The following LHFPL2 variants were observed in gnomAD, a reference collection of about 807,000 sequenced individuals.
LHFPL2 encodes the protein LHFPL tetraspan subfamily member 2 protein.
A neutral mutation model predicts 17.5 loss-of-function variants in LHFPL2; 7 were observed. That is an observed-to-expected ratio of 0.40 (90% CI 0.23 to 0.75). The LOEUF is 0.75. LHFPL2 is among the 30% of genes least tolerant of loss of function. The pLI is 0.37. For missense variants in LHFPL2, 241 were observed against 294.8 expected, an observed-to-expected ratio of 0.82 and a Z score of 1.34; for synonymous variants, 134 against 116.2, an observed-to-expected ratio of 1.15 and a Z score of -0.99.
At chr5:78,641,279 A>C (rs2112527962) in intron 1 of LHFPL2, among the ~76,000 whole-genome samples, 1 of 152,342 alleles carries the variant, frequency 6.6e-6, no homozygotes, top group East Asian at 1.9e-4. Context: ...TCCATACATC[A>C]ACCTGGGCTA....
chr5:78,507,581 G>A (rs1327021210), intron 4 of LHFPL2, among the ~76,000 whole-genome samples: 1 of 152,168 alleles, frequency 6.6e-6, no homozygotes, highest in Non-Finnish European at 1.5e-5. Context: ...CCAAAGATAG[G>A]TTTAGTGTTA....
intron 2 of LHFPL2, among the ~76,000 whole-genome samples, chr5:78,611,828 T>G (rs569810654): frequency 6.6e-6 from 1 of 152,186 alleles, no homozygotes; most frequent in African/African-American, 2.4e-5. Flanking sequence ...ACAGAAAATC[T>G]ATCGTTAAAA....
intron 2 of LHFPL2, among the ~76,000 whole-genome samples, chr5:78,603,028 C>A (rs1316628064): frequency 6.6e-6 from 1 of 152,138 alleles, no homozygotes; most frequent in Non-Finnish European, 1.5e-5. Flanking sequence ...ATAGCTGGGA[C>A]TACAGGCGCG....
intron 2 of LHFPL2, among the ~76,000 whole-genome samples, chr5:78,621,772 C>T (rs1032699171): frequency 1.1e-4 from 16 of 152,142 alleles, no homozygotes; most frequent in Admixed American, 4.6e-4. Flanking sequence ...CAGTGCAGAA[C>T]TGTTAGCAGG....
intron 3 of LHFPL2, chr5:78,549,289 G>A (rs532328120): frequency 7.2e-5 from 11 of 152,390 alleles, no homozygotes; most frequent in Admixed American, 3.9e-4. Flanking sequence ...GAAGTAGTCA[G>A]ACCCTTTGAG....
At chr5:78,510,428 C>T in intron 3 of LHFPL2, 30 bp from the exon 4 acceptor site, 1 of 519,872 alleles carries the variant, frequency 1.9e-6, no homozygotes, top group South Asian at 3.0e-5. Context: ...GTTAGCAGCG[C>T]CGCCAGGCCC....
rs144378654 is a variant in LHFPL2 at position 78,599,701 on chromosome 5, CAT to C, written c.-245+32561_-245+32562del. ...GTTCAACAATTAAGTGAATAAAAAA[CAT>C]AAAGGCTTGCTGCCTAGCCCATGAG... On this transcript the variant is annotated intron_variant, in intron 2 of 4. Transcript: ENST00000380345. 1.3e-3 allele frequency among the ~76,000 whole-genome samples: 198 copies of C among 152,228 alleles called. 4 individuals carry two copies. The East Asian group carries it at 0.032, about 24-fold the overall frequency.
At chr5:78,510,903 A>C (rs775572797) in intron 3 of LHFPL2, among the ~76,000 whole-genome samples, 1 of 152,256 alleles carries the variant, frequency 6.6e-6, no homozygotes, top group Non-Finnish European at 1.5e-5. Flanking sequence ...TTTGCTTAAC[A>C]GTAGAGAGTA....
At chr5:78,615,061 G>A (rs1380108103) in intron 2 of LHFPL2, among the ~76,000 whole-genome samples, 2 of 152,220 alleles carry the variant, frequency 1.3e-5, no homozygotes, top group Non-Finnish European at 2.9e-5. Flanking sequence ...AAGAGACTTT[G>A]ACTTCCACCT....
At chr5:78,637,679 T>A (rs1745503993) in intron 1 of LHFPL2, among the ~76,000 whole-genome samples, 1 of 152,256 alleles carries the variant, frequency 6.6e-6, no homozygotes, top group Admixed American at 6.5e-5. Context: ...GTCTCTTTCA[T>A]GCTCCAGTTT....
intron 4 of LHFPL2, among the ~76,000 whole-genome samples, chr5:78,507,304 T>C (rs956006020): frequency 1.3e-5 from 2 of 150,108 alleles, no homozygotes; most frequent in African/African-American, 2.5e-5. Context: ...CATTCCAAGC[T>C]GGGCAACAGA....
At chr5:78,516,591 T>C (rs139171897) in intron 3 of LHFPL2, among the ~76,000 whole-genome samples, 42 of 152,318 alleles carry the variant, frequency 2.8e-4, no homozygotes, top group Admixed American at 4.6e-4. Context: ...TTTGAATGTA[T>C]AGGAGCAACT....
chr5:78,606,225 T>C (rs1744207193), intron 2 of LHFPL2, among the ~76,000 whole-genome samples: 3 of 152,344 alleles, frequency 2.0e-5, no homozygotes, highest in South Asian at 4.1e-4. Flanking sequence ...CTAGGGCCTC[T>C]ATATTTGAAA....
At chr5:78,569,005 A>G (rs928245846) in intron 2 of LHFPL2, among the ~76,000 whole-genome samples, 2 of 152,168 alleles carry the variant, frequency 1.3e-5, no homozygotes, top group African/African-American at 2.4e-5. Flanking sequence ...ACGGCCTTCA[A>G]TCTAGGACTT....
At chr5:78,616,190 C>T (rs1434659218) in intron 2 of LHFPL2, among the ~76,000 whole-genome samples, 1 of 152,068 alleles carries the variant, frequency 6.6e-6, no homozygotes, top group Non-Finnish European at 1.5e-5. Flanking sequence ...TGCAGTGGCG[C>T]AATCTCGGCT....
rs532320179 is a variant in LHFPL2 at position 78,587,390 on chromosome 5, G to A, written c.-244-22519C>T. ...CCACTTTAAAGGGTCTGCAGGCCAC[G>A]AAGAAATGATACAGCAGAAAAAGAC... On this transcript the variant is annotated intron_variant, in intron 2 of 4. Transcript: ENST00000380345. 5.9e-5 allele frequency among the ~76,000 whole-genome samples: 9 copies of A among 152,278 alleles called. No homozygotes were observed. The South Asian group carries it at 1.2e-3, about 21-fold the overall frequency.
chr5:78,500,694 C>T (rs2112304654), intron 4 of LHFPL2, among the ~76,000 whole-genome samples: 1 of 152,238 alleles, frequency 6.6e-6, no homozygotes, highest in African/African-American at 2.4e-5. Context: ...GGAGTTATAA[C>T]ATGAATCAAG....
At chr5:78,579,166 A>G (rs888528205) in intron 2 of LHFPL2, among the ~76,000 whole-genome samples, 2 of 152,170 alleles carry the variant, frequency 1.3e-5, no homozygotes, top group Non-Finnish European at 2.9e-5. Flanking sequence ...CATGACCTAC[A>G]ATAAGGTGAC....
At chr5:78,608,387 G>T (rs933164515) in intron 2 of LHFPL2, among the ~76,000 whole-genome samples, 1 of 152,136 alleles carries the variant, frequency 6.6e-6, no homozygotes, top group Non-Finnish European at 1.5e-5. Context: ...GCCCAAAATG[G>T]AGACTAATAA....
Sources: gnomAD v4.1 joint callset for allele counts (sites outside exome capture counted in the v4.1 genomes callset) on GRCh38, gnomAD v4.1.1 for gene constraint, MANE v1.5 for transcripts, NCBI Gene and HGNC (gene_info 2026-07-23, HGNC 2026-07-21) for gene names.